Variants in OR4C11 observed in about 807,000 individuals in gnomAD.
OR4C11 encodes olfactory receptor family 4 subfamily C member 11.
Under a neutral mutation model 14.7 loss-of-function variants are expected in OR4C11, and 15 were observed. That is an observed-to-expected ratio of 1.02 (90% confidence interval 0.68 to 1.58). The LOEUF (loss-of-function observed/expected upper bound fraction) is 1.58, where lower values mean the gene tolerates loss of function less well. Among genes scored for constraint, OR4C11 ranks in the 40% most tolerant of loss-of-function variants. OR4C11 has a pLI of 0.00. For synonymous variants in OR4C11, 146 were observed against 135.0 expected (o/e 1.08, Z -0.57); for missense variants, 473 against 383.0 (o/e 1.24, Z -1.96).
Position 55,605,865 on chromosome 11 carries a change from T to C in OR4C11, c.-206-578A>G, listed in dbSNP as rs539170539. Among the ~76,000 whole-genome samples, 3 of 138,892 alleles carry C rather than the reference T, an allele frequency of 2.2e-5. 1 individual carries two copies. The East Asian group carries it at 7.1e-4, about 33-fold the overall frequency. The allele number at this position is 138,892 out of a possible 152,430, so 91.1% of individuals were successfully genotyped here. On this transcript the variant is annotated intron_variant, in intron 2 of 3. Transcript: ENST00000641580. The stretch of plus-strand genomic sequence containing the variant: ...CTATCAGGTTAATAAAGTAATCCTT[T>C]TGATAAATGTCTTAACAAATAGTCT...
rs150608186 is a variant in OR4C11 at position 55,605,336 on chromosome 11, A to T, written c.-206-49T>A. 3 of 137,714 alleles carry T rather than the reference A, an allele frequency of 2.2e-5. 1 individual carries two copies. Among genetic ancestry groups the T allele is most frequent in the East Asian group, 2.4e-4 (1 of 4,236 alleles). 8.5% of individuals were successfully genotyped at this position (137,714 alleles called of 1,614,324 possible). A position where few individuals can be genotyped will look rare whatever the true frequency, so the allele number is the denominator to read the frequency against. On this transcript the variant is annotated intron_variant, in intron 2 of 3. Transcript: ENST00000641580. ...GAATAATTGACACATAAATCAGGAC[A>T]TTCTTTCAAATTTCAGGTTTGCAGG...
At position 55,602,603 on chromosome 11, in the gene OR4C11, A is replaced by G. The variant is rs930120411; in HGVS notation, c.*838T>C. ...GTTTAGGGAGAACCCACTAGAGACA[A>G]GTGTCCTGAGTGTTTTCTGAATTCC... On this transcript the variant is annotated 3_prime_UTR_variant, in exon 4 of 4. Coordinates refer to ENST00000641580, the MANE Select transcript of OR4C11 (RefSeq NM_001004700.3). 5 of 138,038 alleles carry G rather than the reference A, an allele frequency of 3.6e-5. No individual in the cohort carries two copies. Among genetic ancestry groups the G allele is most frequent in the African/African-American group, 1.0e-4 (4 of 39,896 alleles). The allele number at this position is 138,038 out of a possible 1,614,324, so 8.6% of individuals were successfully genotyped here.
intron 2 of OR4C11, among the ~76,000 whole-genome samples, chr11:55,606,032 C>T (rs945038257): frequency 2.9e-5 from 4 of 137,898 alleles, no homozygotes; most frequent in East Asian, 2.4e-4. Flanking sequence ...TTCCTATAGA[C>T]GCACTCATTC....
In OR4C11 at chr11:55,604,216, A is replaced by T. The variant is rs151111921; in HGVS notation, c.158T>A (p.Leu53Gln). ...TAGAAAGAAGTACATGGGGCTTCCT[A>T]GTGTCCGGCTGGACTTGATGGTCAC... ...IIVTIKSSRTLGSPMYFFLFY... is the reference protein window; with the variant it reads ...IIVTIKSSRTQGSPMYFFLFY... The change falls in exon 4 of 4, where the codon CTA becomes CAA. Residue 53 changes from leucine to glutamine, a missense_variant. Leu to Gln is a moderately radical substitution (Grantham distance 113, BLOSUM62 -2). Transcript: ENST00000641580. 96 of 1,482,510 alleles carry T rather than the reference A, an allele frequency of 6.5e-5. 12 individuals are homozygous for T. The African/African-American group carries it at 1.3e-3, about 20-fold the overall frequency. The allele number at this position is 1,482,510 out of a possible 1,614,324, so 91.8% of individuals were successfully genotyped here.
intron 1 of OR4C11, 32 bp downstream of exon 1, chr11:55,607,255 A>G (rs779194024): frequency 1.4e-5 from 2 of 138,194 alleles, no homozygotes; most frequent in Non-Finnish European, 3.2e-5. Flanking sequence ...CTGTTTAATT[A>G]TCTCCTACCC....
chr11:55,602,538 A>T lies in OR4C11; in HGVS notation c.*903T>A, dbSNP rs189683245. The T allele has an allele frequency of 7.2e-6, 1 of 138,712 alleles. No individual in the cohort carries two copies. Among genetic ancestry groups the T allele is most frequent in the African/African-American group, 2.5e-5 (1 of 40,076 alleles). The allele number at this position is 138,712 out of a possible 1,614,324, so 8.6% of individuals were successfully genotyped here. ...GCAGCCCCAATTATTAGGACAGAAT[A>T]AATAGAGATGTAACTTCCTATAGCA... On this transcript the variant is annotated 3_prime_UTR_variant, in exon 4 of 4. Coordinates refer to ENST00000641580, the MANE Select transcript of OR4C11 (RefSeq NM_001004700.3).
Position 55,605,439 on chromosome 11 carries a change from T to C in OR4C11, c.-206-152A>G, listed in dbSNP as rs1362148109. ...AACTTTCAATAGAATTTTTAGTTTG[T>C]ATGTTCTTATGAATCCCATATCCTG... On this transcript the variant is annotated intron_variant, in intron 2 of 3. Coordinates refer to ENST00000641580, the MANE Select transcript of OR4C11 (RefSeq NM_001004700.3). Among the ~76,000 whole-genome samples, 34 of 138,668 alleles carry C rather than the reference T, an allele frequency of 2.5e-4. 5 individuals are homozygous for C. Among genetic ancestry groups the C allele is most frequent in the African/African-American group, 8.0e-4 (32 of 39,914 alleles). The allele number at this position is 138,668 out of a possible 152,430, so 91.0% of individuals were successfully genotyped here.
intron 2 of OR4C11, 108 bp from the exon 3 acceptor site, chr11:55,605,395 C>A (rs191423676): frequency 7.3e-6 from 1 of 136,516 alleles, no homozygotes; most frequent in Middle Eastern, 3.8e-3. Flanking sequence ...GAGATCTATG[C>A]GCTCCAAGTC....
rs491160 is a variant in OR4C11, at chr11:55,604,352, G to T, written c.22C>A (p.Pro8Thr). 0.074 allele frequency: 99,816 copies of T among 1,347,484 alleles called. 18,891 individuals are homozygous for T. Among genetic ancestry groups the T allele is most frequent in the African/African-American group, 0.1 (7,128 of 69,926 alleles). 83.5% of individuals were successfully genotyped at this position (1,347,484 alleles called of 1,614,324 possible). Reference protein sequence around the residue: MQQNNSVPEFILLGLTQD... With the variant: MQQNNSVTEFILLGLTQD... ...GTTAATCCTAACAGTATGAATTCAG[G>T]CACACTGTTATTTTGCTGCATTGTT... Residue 8 changes from proline (P) to threonine (T), a missense_variant, in exon 4 of 4, where the codon CCT becomes ACT. Pro to Thr is a conservative substitution (Grantham distance 38). Transcript: ENST00000641580.
At chr11:55,605,453 T>A (rs1315765035) in intron 2 of OR4C11, among the ~76,000 whole-genome samples, 166 bp from the exon 3 acceptor site, 6 of 138,500 alleles carry the variant, frequency 4.3e-5, no homozygotes, top group African/African-American at 1.5e-4. Context: ...TTCTTATGAA[T>A]CCCATATCCT....
Position 55,602,687 on chromosome 11 carries a change from C to A in OR4C11, c.*754G>T, listed in dbSNP as rs1391692648. 1 of 138,304 alleles carries A rather than the reference C, an allele frequency of 7.2e-6. No homozygotes were observed. Among genetic ancestry groups the A allele is most frequent in the Non-Finnish European group, 1.6e-5 (1 of 62,098 alleles). 8.6% of individuals were successfully genotyped at this position (138,304 alleles called of 1,614,324 possible). On this transcript the variant is annotated 3_prime_UTR_variant, in exon 4 of 4. Coordinates refer to ENST00000641580, the MANE Select transcript of OR4C11 (RefSeq NM_001004700.3). ...CAACTTTAAACACAATAGATCATAC[C>A]ATTTTTGGTTTCAACCATGTTCTAC...
At position 55,603,940 on chromosome 11, in the gene OR4C11, A is replaced by G; in HGVS notation, c.434T>C (p.Leu145Pro). 1 of 1,489,030 alleles carries G rather than the reference A, an allele frequency of 6.7e-7. No homozygotes were observed. Among genetic ancestry groups the G allele is most frequent in the East Asian group, 2.6e-5 (1 of 38,726 alleles). 92.2% of individuals were successfully genotyped at this position (1,489,030 alleles called of 1,614,324 possible). Residue 145 changes from leucine to proline, a missense_variant, in exon 4 of 4, where the codon CTT becomes CCT. Physicochemically the swap from Leu to Pro is moderately conservative, Grantham distance 98 (BLOSUM62 -3). Transcript: ENST00000641580. ...GTGTATTAAAGACCCTATCCAGGCAAGAACAATCAGGATGATGCAGACCTG... is the reference window on the plus strand; with the variant it reads ...GTGTATTAAAGACCCTATCCAGGCAGGAACAATCAGGATGATGCAGACCTG... ...SQQVCIILIVLAWIGSLIHST... is the reference protein window; with the variant it reads ...SQQVCIILIVPAWIGSLIHST...
At position 55,604,126 on chromosome 11, in the gene OR4C11, G is replaced by A. The variant is rs185762050; in HGVS notation, c.248C>T (p.Ala83Val). ...GGTTATAATTTTCTTTTCAGAGAGAGCATCCACAATTAATCTAGGGGCTGT... is the reference window on the plus strand; with the variant it reads ...GGTTATAATTTTCTTTTCAGAGAGAACATCCACAATTAATCTAGGGGCTGT... ...TSTAPRLIVD[A>V]LSEKKIITYN... The change falls in exon 4 of 4, where the codon GCT becomes GTT. Residue 83 changes from alanine (A) to valine (V), a missense_variant. Ala to Val is a moderately conservative substitution (Grantham distance 64). Transcript: ENST00000641580. 27 of 1,472,138 alleles carry A rather than the reference G, an allele frequency of 1.8e-5. 7 individuals are homozygous for A. The Admixed American group carries it at 2.0e-4, about 11-fold the overall frequency. The allele number at this position is 1,472,138 out of a possible 1,614,324, so 91.2% of individuals were successfully genotyped here.
Position 55,603,376 on chromosome 11 carries a change from G to A in OR4C11, c.*65C>T, listed in dbSNP as rs1478357290. 2.2e-5 allele frequency: 17 copies of A among 786,754 alleles called. 3 individuals are homozygous for A. The highest frequency in any genetic ancestry group is 1.0e-4 in the African/African-American group (6 of 58,570). 48.7% of individuals were successfully genotyped at this position (786,754 alleles called of 1,614,324 possible). ...ACAGCATTCAGGTACTTTCCTATTTGCTGTCTATACTTACTCTGTTAAATC... is the reference window on the plus strand; with the variant it reads ...ACAGCATTCAGGTACTTTCCTATTTACTGTCTATACTTACTCTGTTAAATC... On this transcript the variant is annotated 3_prime_UTR_variant, in exon 4 of 4. Coordinates refer to ENST00000641580, the MANE Select transcript of OR4C11 (RefSeq NM_001004700.3).
chr11:55,604,084 G>A lies in OR4C11; in HGVS notation c.290C>T (p.Thr97Ile), dbSNP rs748703835. ...AAATAAATGTAGTGCAAAGACTTGTGTCATGCACTCATTGTAGGTTATAAT... is the reference window on the plus strand; with the variant it reads ...AAATAAATGTAGTGCAAAGACTTGTATCATGCACTCATTGTAGGTTATAAT... ...KKIITYNECM[T>I]QVFALHLFGC... is the part of the protein sequence containing the mutation. The change falls in exon 4 of 4, where the codon ACA becomes ATA. Residue 97 changes from threonine to isoleucine, a missense_variant. Thr to Ile is a moderately conservative substitution (Grantham distance 89, BLOSUM62 -1). Coordinates refer to ENST00000641580, the MANE Select transcript of OR4C11 (RefSeq NM_001004700.3). 4 of 1,484,776 alleles carry A rather than the reference G, an allele frequency of 2.7e-6. No homozygotes were observed. In the African/African-American group the frequency reaches 5.5e-5, roughly 20 times the overall value. The allele number at this position is 1,484,776 out of a possible 1,614,324, so 92.0% of individuals were successfully genotyped here.
Position 55,605,056 on chromosome 11 carries a change from A to T in OR4C11, c.-45+70T>A, listed in dbSNP as rs1298214940. ...AATTTTTGCAATGAGCAAAAAGTCAATCATTACAGTCCAACATGAGAATTA... is the reference window on the plus strand; with the variant it reads ...AATTTTTGCAATGAGCAAAAAGTCATTCATTACAGTCCAACATGAGAATTA... On this transcript the variant is annotated intron_variant, in intron 3 of 3. Transcript: ENST00000641580. 3 of 138,746 alleles carry T rather than the reference A, an allele frequency of 2.2e-5. 1 individual carries two copies. Among genetic ancestry groups the T allele is most frequent in the African/African-American group, 7.5e-5 (3 of 40,086 alleles). 8.6% of individuals were successfully genotyped at this position (138,746 alleles called of 1,614,324 possible). A position where few individuals can be genotyped will look rare whatever the true frequency, so the allele number is the denominator to read the frequency against.
In OR4C11 at chr11:55,604,363, T is replaced by A. The variant is rs368254632; in HGVS notation, c.11A>T (p.Asn4Ile). Residue 4 changes from asparagine to isoleucine, a missense_variant, in exon 4 of 4, where the codon AAT becomes ATT. By Grantham distance (149) the Asn-to-Ile change is moderately radical. Transcript: ENST00000641580. ...CAGTATGAATTCAGGCACACTGTTA[T>A]TTTGCTGCATTGTTTCAGTTGATGT... The part of the protein sequence containing the change: MQQ[N>I]NSVPEFILLG... The A allele has an allele frequency of 2.6e-5, 34 of 1,304,602 alleles. 6 individuals carry two copies. The African/African-American group carries it at 3.6e-4, about 14-fold the overall frequency. 80.8% of individuals were successfully genotyped at this position (1,304,602 alleles called of 1,614,324 possible).
chr11:55,603,817 G>A lies in OR4C11; in HGVS notation c.557C>T (p.Ala186Val), dbSNP rs1263227244. Reference protein sequence around the residue: ...CCDLQPLLKLACMDTYMINLL... With the variant: ...CCDLQPLLKLVCMDTYMINLL... ...GTTGATCATGTAAGTGTCCATGCAGGCAAGTTTCAACAAGGGCTGCAAATC... is the reference window on the plus strand; with the variant it reads ...GTTGATCATGTAAGTGTCCATGCAGACAAGTTTCAACAAGGGCTGCAAATC... The change falls in exon 4 of 4, where the codon GCC (alanine) becomes GTC (valine). Residue 186 changes from alanine to valine, a missense_variant. Transcript: ENST00000641580. 4 of 1,489,624 alleles carry A rather than the reference G, an allele frequency of 2.7e-6. 1 individual carries two copies. The highest frequency in any genetic ancestry group is 1.8e-6 in the Non-Finnish European group (2 of 1,095,278). The allele number at this position is 1,489,624 out of a possible 1,614,324, so 92.3% of individuals were successfully genotyped here.
At chr11:55,605,899 G>T (rs1335352763) in intron 2 of OR4C11, among the ~76,000 whole-genome samples, 2 of 138,626 alleles carry the variant, frequency 1.4e-5, no homozygotes, top group Admixed American at 1.6e-4. Context: ...CTTGACAAAG[G>T]TGTGGGAAAC....
Sources: allele counts gnomAD v4.1 joint callset (sites outside exome capture counted in the v4.1 genomes callset), GRCh38; gene constraint gnomAD v4.1.1; transcripts MANE v1.5; gene names NCBI Gene and HGNC (gene_info 2026-07-23, HGNC 2026-07-21).